CHN1: variants seen among roughly 807,000 people sequenced by gnomAD.
The protein encoded by CHN1 is chimerin 1, also known as N-chimaerin.
A neutral mutation model predicts 59.5 loss-of-function variants in CHN1; 37 were observed. That is an observed-to-expected ratio of 0.62 (90% CI 0.48 to 0.82). The LOEUF (loss-of-function observed/expected upper bound fraction) is 0.82, where lower values mean the gene tolerates loss of function less well. CHN1 is among the 40% of genes least tolerant of loss of function. CHN1 has a pLI of 0.00. For missense variants in CHN1, 469 were observed against 571.0 expected (o/e 0.82, Z 1.82); for synonymous variants, 206 against 200.4 (o/e 1.03, Z -0.24).
intron 6 of CHN1, among the ~76,000 whole-genome samples, chr2:174,867,631 A>G (rs571815938): frequency 6.6e-6 from 1 of 152,272 alleles, no homozygotes; most frequent in African/African-American, 2.4e-5. Context: ...TACATAATGA[A>G]TATTGAAAGA....
intron 1 of CHN1, among the ~76,000 whole-genome samples, chr2:174,953,343 A>G (rs1324519187): frequency 6.6e-6 from 1 of 152,198 alleles, no homozygotes; most frequent in East Asian, 1.9e-4. Context: ...AAAGGGTTAC[A>G]GCAAGACTGC....
intron 5 of CHN1, among the ~76,000 whole-genome samples, chr2:174,910,310 G>C (rs1427068467): frequency 6.6e-6 from 1 of 152,094 alleles, no homozygotes; most frequent in Non-Finnish European, 1.5e-5. Flanking sequence ...AACCAACATT[G>C]ACAGACAGCC....
chr2:174,906,718 T>C (rs1206048470), intron 5 of CHN1, among the ~76,000 whole-genome samples: 2 of 152,214 alleles, frequency 1.3e-5, no homozygotes, highest in Admixed American at 6.5e-5. Context: ...TTGCCTTCAG[T>C]AGATGTTTCA....
chr2:174,846,217 T>A, intron 7 of CHN1: 3 of 1,443,776 alleles, frequency 2.1e-6, no homozygotes, highest in South Asian at 1.5e-5. Flanking sequence ...TAGATCTACA[T>A]ACAGCTTGAA....
At chr2:174,859,006 A>ACACACACG (rs1686989994) in intron 6 of CHN1, among the ~76,000 whole-genome samples, 1 of 151,886 alleles carries the variant, frequency 6.6e-6, no homozygotes, top group African/African-American at 2.4e-5. Flanking sequence ...ACACACACAC[A>ACACACACG]CACACACAAA....
chr2:174,864,964 T>A (rs1214316846), intron 6 of CHN1, among the ~76,000 whole-genome samples: 2 of 152,178 alleles, frequency 1.3e-5, no homozygotes, highest in African/African-American at 2.4e-5. Context: ...TTTATTTATT[T>A]ATTGTTGTTG....
intron 5 of CHN1, among the ~76,000 whole-genome samples, chr2:174,881,807 T>C (rs893599978): frequency 1.3e-5 from 2 of 152,136 alleles, no homozygotes; most frequent in African/African-American, 4.8e-5. Flanking sequence ...GCCACTTGGT[T>C]AAATAGAGTG....
intron 4 of CHN1, among the ~76,000 whole-genome samples, chr2:174,916,865 G>A (rs1300727985): frequency 1.3e-5 from 2 of 152,236 alleles, no homozygotes; most frequent in Non-Finnish European, 2.9e-5. Flanking sequence ...AAATAATACA[G>A]TTGGTAAAAT....
intron 7 of CHN1, among the ~76,000 whole-genome samples, chr2:174,844,199 GA>G (rs3051663): frequency 0.017 from 2,264 of 136,530 alleles, 23 homozygotes; most frequent in Middle Eastern, 0.038. Context: ...AGTAACAATA[GA>G]AAAAAAAAAA....
At chr2:174,952,265 T>A (rs893088473) in intron 1 of CHN1, 63 bp from the exon 2 acceptor site, 10 of 954,740 alleles carry the variant, frequency 1.0e-5, no homozygotes, top group Non-Finnish European at 1.5e-5. Context: ...GACATTTTAA[T>A]CATTAACTCA....
intron 1 of CHN1, among the ~76,000 whole-genome samples, chr2:174,992,804 CT>C (rs111718948): frequency 0.05 from 7,253 of 145,762 alleles, 551 homozygotes; most frequent in African/African-American, 0.16. Flanking sequence ...TATCTAATCA[CT>C]TTTTTTTTTT....
chr2:174,881,892 C>T (rs1327967191), intron 5 of CHN1, among the ~76,000 whole-genome samples: 1 of 152,104 alleles, frequency 6.6e-6, no homozygotes, highest in Non-Finnish European at 1.5e-5. Flanking sequence ...GGGAATGAGG[C>T]CTCTGAATTC....
intron 1 of CHN1, among the ~76,000 whole-genome samples, chr2:174,965,442 T>A (rs1339146498): frequency 6.6e-6 from 1 of 152,112 alleles, no homozygotes; most frequent in Non-Finnish European, 1.5e-5. Context: ...AATGTTAAAT[T>A]TAAGCTGTTT....
intron 5 of CHN1, among the ~76,000 whole-genome samples, chr2:174,903,164 T>C (rs1412292834): frequency 6.6e-6 from 1 of 152,206 alleles, no homozygotes; most frequent in Non-Finnish European, 1.5e-5. Context: ...TTTTTGACTA[T>C]CTCGTTGTCC....
intron 1 of CHN1, among the ~76,000 whole-genome samples, chr2:174,953,966 A>C (rs1354584596): frequency 6.6e-6 from 1 of 152,310 alleles, no homozygotes. Context: ...TGGAACCAAA[A>C]GAGAGCCTGC....
chr2:174,957,470 T>C (rs1372313424), intron 1 of CHN1, among the ~76,000 whole-genome samples: 7 of 150,920 alleles, frequency 4.6e-5, no homozygotes, highest in Non-Finnish European at 8.9e-5. Context: ...GTTAATTATA[T>C]TGAAGTTTGT....
chr2:174,915,196 A>C, intron 4 of CHN1, 25 bp from the exon 5 acceptor site: 1 of 1,538,338 alleles, frequency 6.5e-7, no homozygotes. Context: ...CTATTCAGAA[A>C]CTGTGCTTTC....
chr2:174,814,709 C>T (rs747547003), intron 8 of CHN1, among the ~76,000 whole-genome samples: 2 of 152,140 alleles, frequency 1.3e-5, no homozygotes, highest in Non-Finnish European at 2.9e-5. Context: ...CTTTGAAAGG[C>T]CTTTTCTATG....
At position 174,799,657 on chromosome 2, in the gene CHN1, A is replaced by G. The variant is rs747077805; in HGVS notation, c.*459T>C. The G allele has an allele frequency of 6.6e-5, 35 of 532,592 alleles. No individual in the cohort carries two copies. The highest frequency in any genetic ancestry group is 5.4e-4 in the South Asian group (35 of 65,166). The allele number at this position is 532,592 out of a possible 1,614,324, so 33.0% of individuals were successfully genotyped here. ...CATGTGATATGGTTTATGGTAATGT[A>G]ACAGCCAGAGGTGCTGTTTTATCCA... is the stretch of plus-strand genomic sequence containing the variant. On this transcript the variant is annotated 3_prime_UTR_variant, in exon 13 of 13. Coordinates refer to ENST00000409900, the MANE Select transcript of CHN1 (RefSeq NM_001822.7).
Sources: allele counts gnomAD v4.1 joint callset (sites outside exome capture counted in the v4.1 genomes callset), GRCh38; gene constraint gnomAD v4.1.1; transcripts MANE v1.5; gene names NCBI Gene and HGNC (gene_info 2026-07-23, HGNC 2026-07-21).